The following ARID5B variants were observed in gnomAD, a reference collection of about 807,000 sequenced individuals.
ARID5B encodes the protein AT-rich interaction domain 5B.
Under a neutral mutation model 97.2 loss-of-function variants are expected in ARID5B, and 13 were observed. That is an observed-to-expected ratio of 0.13 (90% CI 0.09 to 0.21). The LOEUF is 0.21. Among genes scored for constraint, ARID5B ranks in the 10% least tolerant of loss-of-function variants. The pLI is 1.00. For missense variants in ARID5B, 1,210 were observed against 1,465.3 expected (o/e 0.83, Z 2.84); for synonymous variants, 556 against 570.3 (o/e 0.97, Z 0.36).
intron 4 of ARID5B, among the ~76,000 whole-genome samples, chr10:62,038,619 C>A (rs1012263156): frequency 2.6e-5 from 4 of 152,146 alleles, no homozygotes; most frequent in African/African-American, 9.7e-5. Context: ...AGACAAAGTT[C>A]TAATTTCCAT....
At chr10:62,031,004 G>A (rs1839490494) in intron 4 of ARID5B, among the ~76,000 whole-genome samples, 1 of 152,196 alleles carries the variant, frequency 6.6e-6, no homozygotes, top group South Asian at 2.1e-4. Context: ...GTGAGGCCAA[G>A]GCAGGTGGAT....
chr10:62,042,755 C>CA (rs374112928), intron 4 of ARID5B, among the ~76,000 whole-genome samples: 34 of 147,556 alleles, frequency 2.3e-4, no homozygotes, highest in Middle Eastern at 3.4e-3. Context: ...ACTAAAAATA[C>CA]AAAAAAAAAA....
At chr10:61,986,209 C>T (rs1490320694) in intron 3 of ARID5B, among the ~76,000 whole-genome samples, 2 of 152,080 alleles carry the variant, frequency 1.3e-5, no homozygotes, top group Non-Finnish European at 1.5e-5. Context: ...AGCTGGATGA[C>T]CTTGGGCAAG....
intron 3 of ARID5B, among the ~76,000 whole-genome samples, chr10:61,977,521 T>C (rs1332178970): frequency 6.6e-6 from 1 of 152,214 alleles, no homozygotes; most frequent in East Asian, 1.9e-4. Flanking sequence ...CAGCACCTGT[T>C]GTTTCCTGAC....
intron 3 of ARID5B, among the ~76,000 whole-genome samples, chr10:61,947,146 T>G (rs1173673804): frequency 6.6e-6 from 1 of 152,068 alleles, no homozygotes; most frequent in Non-Finnish European, 1.5e-5. Context: ...AGAGATTGCC[T>G]CATGCCGTTA....
chr10:62,047,318 C>T (rs1030757462), intron 4 of ARID5B, among the ~76,000 whole-genome samples: 1 of 152,190 alleles, frequency 6.6e-6, no homozygotes, highest in African/African-American at 2.4e-5. Context: ...CACTTAGCTA[C>T]TCTTATTATT....
At chr10:61,934,777 G>A (rs1199193287) in intron 2 of ARID5B, among the ~76,000 whole-genome samples, 4 of 152,184 alleles carry the variant, frequency 2.6e-5, no homozygotes, top group African/African-American at 9.6e-5. Context: ...CACTTTGGGA[G>A]TCTGAGGCGG....
intron 3 of ARID5B, among the ~76,000 whole-genome samples, chr10:61,947,974 C>T (rs976929240): frequency 3.3e-5 from 5 of 152,208 alleles, no homozygotes; most frequent in Admixed American, 1.3e-4. Flanking sequence ...TCTTAGAATT[C>T]CAGGTTCATT....
chr10:61,959,863 T>C (rs79571467), intron 3 of ARID5B, among the ~76,000 whole-genome samples: 295 of 152,276 alleles, frequency 1.9e-3, no homozygotes, highest in African/African-American at 6.8e-3. Context: ...TGGATGACTT[T>C]GAGAATCCAA....
At chr10:62,019,464 A>G (rs2132889256) in intron 4 of ARID5B, among the ~76,000 whole-genome samples, 1 of 152,356 alleles carries the variant, frequency 6.6e-6, no homozygotes, top group South Asian at 2.1e-4. Flanking sequence ...ACAAAGTGAC[A>G]TAAAATATTG....
At chr10:61,924,233 C>T (rs1040978377) in intron 2 of ARID5B, among the ~76,000 whole-genome samples, 1 of 152,136 alleles carries the variant, frequency 6.6e-6, no homozygotes, top group Non-Finnish European at 1.5e-5. Context: ...TGGACTCAGG[C>T]GGTTGTAGTT....
intron 3 of ARID5B, among the ~76,000 whole-genome samples, chr10:61,966,521 T>C (rs1252101194): frequency 6.6e-6 from 1 of 152,164 alleles, no homozygotes; most frequent in Admixed American, 6.6e-5. Context: ...CTTACACAAC[T>C]GTAGATTTTT....
At chr10:62,015,676 T>G (rs1160807337) in intron 4 of ARID5B, among the ~76,000 whole-genome samples, 2 of 152,124 alleles carry the variant, frequency 1.3e-5, no homozygotes, top group Non-Finnish European at 2.9e-5. Flanking sequence ...CAGGCTGGAG[T>G]GCAGTGGCGC....
chr10:61,929,248 A>G lies in ARID5B; in HGVS notation c.277-10935A>G, dbSNP rs1844162893. On this transcript the variant is annotated intron_variant, in intron 2 of 9. Coordinates refer to ENST00000279873, the MANE Select transcript of ARID5B (RefSeq NM_032199.3). The stretch of plus-strand genomic sequence containing the variant: ...TGTTTTTGTGTTCCCAACATTTATC[A>G]TGTTTCAAATGCTACAAAGTACATT... 3.9e-5 allele frequency among the ~76,000 whole-genome samples: 6 copies of G among 152,294 alleles called. No homozygotes were observed. In the South Asian group the frequency reaches 8.3e-4, roughly 21 times the overall value.
chr10:61,978,292 G>A (rs1342715879), intron 3 of ARID5B, among the ~76,000 whole-genome samples: 11 of 152,250 alleles, frequency 7.2e-5, no homozygotes, highest in South Asian at 4.2e-4. Context: ...GTCAGGTAGC[G>A]TGATGCCTCC....
intron 2 of ARID5B, among the ~76,000 whole-genome samples, chr10:61,914,146 A>G (rs1424472664): frequency 6.6e-6 from 1 of 152,168 alleles, no homozygotes; most frequent in Non-Finnish European, 1.5e-5. Context: ...TCATTTCTAT[A>G]ATTTTTCCTG....
At chr10:61,969,550 G>A (rs1444549108) in intron 3 of ARID5B, among the ~76,000 whole-genome samples, 1 of 152,110 alleles carries the variant, frequency 6.6e-6, no homozygotes, top group South Asian at 2.1e-4. Context: ...ATTTTGTGAA[G>A]GTGCTGAGGA....
Position 62,050,922 on chromosome 10 carries a change from A to C in ARID5B, c.768A>C (p.Lys256Asn). The change falls in exon 5 of 10, where the codon AAA becomes AAC. Residue 256 changes from lysine (K) to asparagine (N), a missense_variant. Lys to Asn is a moderately conservative substitution (Grantham distance 94). This residue lies in a region of ARID5B where 132 missense variants were observed against 156.7 expected (regional missense o/e 0.84). Coordinates refer to ENST00000279873, the MANE Select transcript of ARID5B (RefSeq NM_032199.3). The part of the protein sequence containing the change: ...PNLKGRPRKK[K>N]PCPQRRDSFS... ...TTAAAGGCAGACCACGCAAAAAGAA[A>C]CCATGCCCACAAAGAAGAGATTCAT... The C allele has an allele frequency of 6.2e-7, 1 of 1,614,176 alleles. No homozygotes were observed.
At chr10:61,922,324 C>A (rs140268251) in intron 2 of ARID5B, among the ~76,000 whole-genome samples, 2 of 152,188 alleles carry the variant, frequency 1.3e-5, no homozygotes, top group African/African-American at 4.8e-5. Flanking sequence ...ATGTTTGGGC[C>A]GGGCATGGTG....
Sources: gnomAD v4.1 joint callset for allele counts (sites outside exome capture counted in the v4.1 genomes callset) on GRCh38, gnomAD v4.1.1 for gene constraint, gnomAD v4.1.1 regional missense constraint, MANE v1.5 for transcripts, NCBI Gene and HGNC (gene_info 2026-07-23, HGNC 2026-07-21) for gene names.